CNTLN: variants seen among roughly 807,000 people sequenced by gnomAD.
CNTLN encodes the protein centlein, centrosomal protein.
A neutral mutation model predicts 180.0 loss-of-function variants in CNTLN; 212 were observed. The ratio of observed to expected loss-of-function variants is 1.18; its 90% CI spans 1.05 to 1.32. The LOEUF is 1.32. Among genes scored for constraint, CNTLN ranks in the 40% most tolerant of loss-of-function variants. The pLI, the probability that CNTLN is intolerant of heterozygous loss-of-function variation, is 0.00. For synonymous variants in CNTLN, 722 were observed against 563.1 expected (o/e 1.28, Z -3.99); for missense variants, 2,095 against 1,610.9 (o/e 1.30, Z -5.14).
At chr9:17,262,210 C>T (rs576871334) in intron 5 of CNTLN, among the ~76,000 whole-genome samples, 2 of 151,578 alleles carry the variant, frequency 1.3e-5, no homozygotes, top group Non-Finnish European at 2.9e-5. Context: ...TTTGACCCAG[C>T]AATACCGTTA....
intron 18 of CNTLN, among the ~76,000 whole-genome samples, chr9:17,425,985 G>T (rs183941649): frequency 1.2e-4 from 19 of 152,288 alleles, no homozygotes; most frequent in African/African-American, 3.1e-4. Context: ...AACGAGAAAG[G>T]TTGTTTTGAA....
intron 13 of CNTLN, among the ~76,000 whole-genome samples, chr9:17,373,758 A>T (rs1278350712): frequency 1.3e-5 from 2 of 152,230 alleles, no homozygotes; most frequent in Non-Finnish European, 2.9e-5. Flanking sequence ...CTAAAACAGC[A>T]TGAAAATTGA....
intron 5 of CNTLN, among the ~76,000 whole-genome samples, chr9:17,243,499 G>A (rs1825618551): frequency 1.3e-5 from 2 of 151,944 alleles, no homozygotes. Context: ...CATAGATTTT[G>A]GTATGGTGTG....
intron 23 of CNTLN, among the ~76,000 whole-genome samples, chr9:17,474,774 A>G (rs535881569): frequency 6.6e-6 from 1 of 152,036 alleles, no homozygotes; most frequent in African/African-American, 2.4e-5. Context: ...AGGCTGAGGC[A>G]GGAGAATTGC....
At chr9:17,267,434 G>T (rs1005403300) in intron 5 of CNTLN, among the ~76,000 whole-genome samples, 2 of 152,110 alleles carry the variant, frequency 1.3e-5, no homozygotes, top group Non-Finnish European at 2.9e-5. Flanking sequence ...GCTTCCCTTT[G>T]TGGGTAACCC....
chr9:17,417,520 G>A (rs1029461929), intron 18 of CNTLN, among the ~76,000 whole-genome samples: 18 of 151,772 alleles, frequency 1.2e-4, no homozygotes, highest in Admixed American at 9.2e-4. Context: ...TGAACTTTTT[G>A]GTGTTCTCTT....
In CNTLN at chr9:17,457,633, C is replaced by T. The variant is rs1831208999; in HGVS notation, c.3224C>T (p.Thr1075Ile). The T allele has an allele frequency of 2.6e-6, 4 of 1,556,332 alleles. No individual in the cohort carries two copies. In the African/African-American group the frequency reaches 4.2e-5, roughly 16 times the overall value. The change falls in exon 19 of 26, where the codon ACA becomes ATA. Residue 1075 changes from threonine (T) to isoleucine (I), a missense_variant. Coordinates refer to ENST00000380647, the MANE Select transcript of CNTLN (RefSeq NM_017738.4). ...TSLAEENSQV[T>I]FPRIQVTSLS... ...TTGGCAGAAGAAAATTCCCAGGTAACATTTCCACGGATACAAGTTACATCA... is the reference window on the plus strand; with the variant it reads ...TTGGCAGAAGAAAATTCCCAGGTAATATTTCCACGGATACAAGTTACATCA...
chr9:17,295,989 AGAGAGAGAGTGTGTGT>A (rs1311673270), intron 6 of CNTLN, among the ~76,000 whole-genome samples: 4 of 83,472 alleles, frequency 4.8e-5, no homozygotes, highest in African/African-American at 1.1e-4. Context: ...AGAGAGAGAG[AGAGAGAGAGTGTGTGT>A]GTGTGTGTGT....
In CNTLN at chr9:17,298,492, G is replaced by A. The variant is rs888704142; in HGVS notation, c.1146+140G>A. ...GTTTCCTCAAAATTTAGAAGTGAAGGATGGTTCAATTTGATAACATTTAAA... is the reference window on the plus strand; with the variant it reads ...GTTTCCTCAAAATTTAGAAGTGAAGAATGGTTCAATTTGATAACATTTAAA... On this transcript the variant is annotated intron_variant, in intron 7 of 25. Coordinates refer to ENST00000380647, the MANE Select transcript of CNTLN (RefSeq NM_017738.4). The A allele has an allele frequency of 4.5e-6, 6 of 1,336,732 alleles. No individual in the cohort carries two copies. In the African/African-American group the frequency reaches 9.1e-5, roughly 20 times the overall value. The allele number at this position is 1,336,732 out of a possible 1,614,324, so 82.8% of individuals were successfully genotyped here. A position where few individuals can be genotyped will look rare whatever the true frequency, so the allele number is the denominator to read the frequency against.
At chr9:17,448,397 A>G (rs138390966) in intron 18 of CNTLN, 1 of 152,214 alleles carries the variant, frequency 6.6e-6, no homozygotes, top group African/African-American at 2.4e-5. Flanking sequence ...AAAAATGGGC[A>G]TGTTGAACAG....
rs1040064661 is a variant in CNTLN at position 17,135,928 on chromosome 9, G to T, written c.360+503G>T. 3.9e-5 allele frequency among the ~76,000 whole-genome samples: 6 copies of T among 152,188 alleles called. No individual in the cohort carries two copies. In the South Asian group the frequency reaches 1.2e-3, roughly 31 times the overall value. The stretch of plus-strand genomic sequence containing the variant: ...TAAGTTGTAAACACAGACGAGTAAC[G>T]TTTAGAAAGTCTCAGAGCCGGGAAC... On this transcript the variant is annotated intron_variant, in intron 1 of 25. Transcript: ENST00000380647.
intron 6 of CNTLN, among the ~76,000 whole-genome samples, chr9:17,274,950 A>G (rs1178527436): frequency 6.6e-6 from 1 of 152,156 alleles, no homozygotes; most frequent in African/African-American, 2.4e-5. Context: ...ACATTAACAG[A>G]TTCCTTGTAT....
chr9:17,312,825 A>G (rs992097201), intron 8 of CNTLN, among the ~76,000 whole-genome samples: 6 of 152,160 alleles, frequency 3.9e-5, no homozygotes, highest in Admixed American at 1.3e-4. Context: ...TTAAATATCA[A>G]TATTAGTTAT....
At chr9:17,390,195 CAT>C (rs144729297) in intron 14 of CNTLN, among the ~76,000 whole-genome samples, 4,982 of 146,966 alleles carry the variant, frequency 0.034, 125 homozygotes, top group South Asian at 0.13. Context: ...TTCATAGCTT[CAT>C]AATATCAGGC....
At chr9:17,200,711 C>G (rs1822461985) in intron 2 of CNTLN, among the ~76,000 whole-genome samples, 1 of 152,114 alleles carries the variant, frequency 6.6e-6, no homozygotes. Context: ...GCTGAAGTTG[C>G]TTACCAGCAT....
the CNTLN span, among the ~76,000 whole-genome samples, chr9:17,523,648 G>A: frequency 6.6e-6 from 1 of 152,160 alleles, no homozygotes; most frequent in African/African-American, 2.4e-5. Flanking sequence ...TGGATTATTT[G>A]CTTTGTTTTT....
intron 9 of CNTLN, among the ~76,000 whole-genome samples, chr9:17,331,772 T>G (rs897122141): frequency 6.6e-6 from 1 of 152,078 alleles, no homozygotes; most frequent in Non-Finnish European, 1.5e-5. Flanking sequence ...TCTTGCCATT[T>G]TGAAGTAGTT....
intron 15 of CNTLN, among the ~76,000 whole-genome samples, chr9:17,406,342 C>G (rs1210838506): frequency 6.6e-6 from 1 of 151,842 alleles, no homozygotes; most frequent in Non-Finnish European, 1.5e-5. Context: ...ACCCTCCCTG[C>G]TTTCAGCCTT....
chr9:17,363,430 T>C (rs1435471782), intron 12 of CNTLN, among the ~76,000 whole-genome samples: 1 of 152,184 alleles, frequency 6.6e-6, no homozygotes, highest in Non-Finnish European at 1.5e-5. Context: ...TGGCGTGAGA[T>C]GGTATCTCAT....
Sources: gnomAD v4.1 joint callset for allele counts (sites outside exome capture counted in the v4.1 genomes callset) on GRCh38, gnomAD v4.1.1 for gene constraint, MANE v1.5 for transcripts, NCBI Gene and HGNC (gene_info 2026-07-23, HGNC 2026-07-21) for gene names.